The following MALRD1 variants were observed in gnomAD, a reference collection of about 807,000 sequenced individuals.
MALRD1 encodes MAM and LDL receptor class A domain containing 1.
Under a neutral mutation model 242.1 loss-of-function variants are expected in MALRD1, and 247 were observed. The ratio of observed to expected loss-of-function variants is 1.02; its 90% confidence interval spans 0.92 to 1.13. The LOEUF is 1.13. Among genes scored for constraint, MALRD1 ranks in the 50% most tolerant of loss-of-function variants. The pLI, the probability that MALRD1 is intolerant of heterozygous loss-of-function variation, is 0.00. For synonymous variants in MALRD1, 995 were observed against 866.6 expected (o/e 1.15, Z -2.60); for missense variants, 2,989 against 2,533.1 (o/e 1.18, Z -3.86).
chr10:19,298,634 T>G (rs973179022), intron 21 of MALRD1, among the ~76,000 whole-genome samples: 3 of 151,960 alleles, frequency 2.0e-5, no homozygotes, highest in African/African-American at 7.2e-5. Flanking sequence ...GGAGAGTGCC[T>G]TTTTAAAAAG....
At chr10:19,499,517 A>G (rs1040706962) in intron 31 of MALRD1, among the ~76,000 whole-genome samples, 5 of 151,718 alleles carry the variant, frequency 3.3e-5, no homozygotes, top group African/African-American at 9.7e-5. Context: ...TTTCATCTGC[A>G]CCATGGGCTT....
intron 28 of MALRD1, among the ~76,000 whole-genome samples, chr10:19,424,262 C>T (rs1040286660): frequency 1.2e-4 from 18 of 152,084 alleles, no homozygotes; most frequent in African/African-American, 4.3e-4. Flanking sequence ...CAGGTTCAAG[C>T]GATTCTCCTG....
intron 31 of MALRD1, among the ~76,000 whole-genome samples, chr10:19,516,299 G>A (rs1409657345): frequency 1.3e-5 from 2 of 151,976 alleles, no homozygotes; most frequent in African/African-American, 4.8e-5. Flanking sequence ...ATTTTTTTCA[G>A]CCAATGTAAG....
intron 10 of MALRD1, among the ~76,000 whole-genome samples, chr10:19,144,296 T>C (rs2131434592): frequency 6.6e-6 from 1 of 152,348 alleles, no homozygotes; most frequent in East Asian, 1.9e-4. Flanking sequence ...ATCCTGCTAA[T>C]ACTATATTTT....
chr10:19,502,692 A>C (rs928951683), intron 31 of MALRD1, among the ~76,000 whole-genome samples: 2 of 152,186 alleles, frequency 1.3e-5, no homozygotes, highest in African/African-American at 4.8e-5. Flanking sequence ...GTGTGGACAC[A>C]AATGCCTGTG....
intron 33 of MALRD1, among the ~76,000 whole-genome samples, chr10:19,573,423 A>G (rs1376792170): frequency 6.6e-6 from 1 of 152,108 alleles, no homozygotes; most frequent in Non-Finnish European, 1.5e-5. Flanking sequence ...AAGAGACAGC[A>G]AGGAAGTGGT....
At chr10:19,300,394 C>T (rs1052606129) in intron 21 of MALRD1, among the ~76,000 whole-genome samples, 5 of 151,830 alleles carry the variant, frequency 3.3e-5, no homozygotes, top group African/African-American at 1.2e-4. Context: ...CAAAAAAGAG[C>T]CTGAATAGCA....
At chr10:19,470,064 T>G (rs7919278) in intron 29 of MALRD1, among the ~76,000 whole-genome samples, 1 of 151,650 alleles carries the variant, frequency 6.6e-6, no homozygotes, top group African/African-American at 2.4e-5. Flanking sequence ...CTTATTTATC[T>G]TGCATAACTG....
chr10:19,576,459 C>A (rs1036510806), intron 33 of MALRD1, among the ~76,000 whole-genome samples: 1 of 152,112 alleles, frequency 6.6e-6, no homozygotes, highest in Non-Finnish European at 1.5e-5. Context: ...CAACAATAAA[C>A]CCTCCATGTA....
At chr10:19,331,630 G>A (rs7082205) in intron 24 of MALRD1, 48 bp downstream of exon 24, 1,026,683 of 1,397,848 alleles carry the variant, frequency 0.73, 379,988 homozygotes, top group African/African-American at 0.86. Flanking sequence ...AACTCCCACA[G>A]CCTTACTCAA....
In MALRD1 at chr10:19,146,364, A is replaced by G. The variant is rs1445683103; in HGVS notation, c.1558+20A>G. The G allele has an allele frequency of 1.7e-6, 2 of 1,171,220 alleles. No homozygotes were observed. Among genetic ancestry groups the G allele is most frequent in the South Asian group, 4.3e-5 (1 of 23,296 alleles). The allele number at this position is 1,171,220 out of a possible 1,614,324, so 72.6% of individuals were successfully genotyped here. ...ATCATGGTAGGACATTTTCCTCTTTAAAAAAAAATAGTTTTCTTTCTTGCA... is the reference window on the plus strand; with the variant it reads ...ATCATGGTAGGACATTTTCCTCTTTGAAAAAAAATAGTTTTCTTTCTTGCA... On this transcript the variant is annotated intron_variant, in intron 11 of 39. Transcript: ENST00000454679.
chr10:19,071,358 A>T (rs1835142381), intron 2 of MALRD1, among the ~76,000 whole-genome samples: 2 of 149,194 alleles, frequency 1.3e-5, no homozygotes, highest in South Asian at 4.2e-4. Context: ...TATCATACCT[A>T]GCTATTCCAG....
chr10:19,393,591 G>T (rs892586200), intron 28 of MALRD1, among the ~76,000 whole-genome samples: 1 of 150,144 alleles, frequency 6.7e-6, no homozygotes, highest in Non-Finnish European at 1.5e-5. Flanking sequence ...GACTACAGGC[G>T]CCGGCCACCA....
chr10:19,047,443 AAAT>A (rs1277145262), upstream of MALRD1, among the ~76,000 whole-genome samples: 2 of 152,026 alleles, frequency 1.3e-5, no homozygotes, highest in African/African-American at 4.8e-5. Flanking sequence ...GAGGAAACAA[AAAT>A]AAAGAGATCT....
intron 36 of MALRD1, among the ~76,000 whole-genome samples, chr10:19,625,478 C>T (rs1235999894): frequency 1.3e-5 from 2 of 151,918 alleles, no homozygotes; most frequent in Non-Finnish European, 2.9e-5. Flanking sequence ...TTCCCTGAAC[C>T]CATAAGCATA....
intron 36 of MALRD1, among the ~76,000 whole-genome samples, chr10:19,674,598 A>T (rs1389697477): frequency 1.3e-5 from 2 of 152,178 alleles, no homozygotes; most frequent in African/African-American, 4.8e-5. Context: ...GTATATTTCA[A>T]GTGATAAAGA....
At chr10:19,258,867 A>C (rs1839628869) in intron 19 of MALRD1, among the ~76,000 whole-genome samples, 1 of 151,974 alleles carries the variant, frequency 6.6e-6, no homozygotes, top group Middle Eastern at 3.4e-3. Flanking sequence ...CAATCCTGCC[A>C]CTCCTGTATA....
intron 18 of MALRD1, among the ~76,000 whole-genome samples, chr10:19,236,244 ACAGGCTTTGACC>A (rs765049262): frequency 8.3e-4 from 126 of 152,280 alleles, no homozygotes; most frequent in Middle Eastern, 3.4e-3. Flanking sequence ...TCAGTTCTGC[ACAGGCTTTGACC>A]CAGGCTTTGA....
intron 14 of MALRD1, among the ~76,000 whole-genome samples, chr10:19,176,156 T>G (rs1835220929): frequency 6.6e-6 from 1 of 152,044 alleles, no homozygotes; most frequent in African/African-American, 2.4e-5. Flanking sequence ...GATTTGCATA[T>G]GAAAATCAGA....
Sources: allele counts gnomAD v4.1 joint callset (sites outside exome capture counted in the v4.1 genomes callset), GRCh38; gene constraint gnomAD v4.1.1; transcripts MANE v1.5; gene names NCBI Gene and HGNC (gene_info 2026-07-23, HGNC 2026-07-21).